Variants in EPM2A observed in about 807,000 individuals in gnomAD.
EPM2A encodes the protein laforin.
EPM2A carries 21 observed loss-of-function variants against 26.5 expected under a neutral mutation model. The ratio of observed to expected loss-of-function variants is 0.79; its 90% CI spans 0.56 to 1.14. EPM2A has a LOEUF of 1.14. Ranked by LOEUF, EPM2A falls within the 50% of genes most tolerant of loss-of-function variation. The pLI, the probability that EPM2A is intolerant of heterozygous loss-of-function variation, is 0.00. For synonymous variants in EPM2A, 217 were observed against 177.6 expected, an observed-to-expected ratio of 1.22 and a Z score of -1.76; for missense variants, 458 against 440.8, an observed-to-expected ratio of 1.04 and a Z score of -0.35.
chr6:145,697,586 C>T lies in EPM2A; in HGVS notation c.302-11290G>A, dbSNP rs922532772. ...TGGGGTTTATTTCATCCCTACGGCT[C>T]GACCATAAAAGATGGCCGCCCCCCG... On this transcript the variant is annotated intron_variant, in intron 1 of 3. Transcript: ENST00000367519. Among the ~76,000 whole-genome samples, 34 of 152,024 alleles carry T rather than the reference C, an allele frequency of 2.2e-4. 1 individual carries two copies. Among genetic ancestry groups the T allele is most frequent in the South Asian group, 1.2e-3 (6 of 4,810 alleles).
intron 2 of EPM2A, among the ~76,000 whole-genome samples, chr6:145,648,713 A>G (rs1777664421): frequency 6.6e-6 from 1 of 152,190 alleles, no homozygotes; most frequent in African/African-American, 2.4e-5. Context: ...GGCACTCCCA[A>G]ATGATTCTAA....
intron 2 of EPM2A, among the ~76,000 whole-genome samples, chr6:145,572,661 C>A (rs1451773282): frequency 6.6e-6 from 1 of 152,150 alleles, no homozygotes; most frequent in African/African-American, 2.4e-5. Flanking sequence ...ATCCTAGAGG[C>A]CCCTGCTGCG....
At chr6:145,669,289 C>A (rs1015577920) in intron 2 of EPM2A, among the ~76,000 whole-genome samples, 1 of 152,140 alleles carries the variant, frequency 6.6e-6, no homozygotes, top group Non-Finnish European at 1.5e-5. Flanking sequence ...AAATAGGTAA[C>A]AGCAGAATTA....
intron 4 of EPM2A, among the ~76,000 whole-genome samples, chr6:145,481,209 C>A (rs1779608417): frequency 6.6e-6 from 1 of 152,038 alleles, no homozygotes; most frequent in Non-Finnish European, 1.5e-5. Context: ...TCTTTTATAT[C>A]CTTTGGATAG....
rs137977850 is a variant in EPM2A, at chr6:145,669,159, CTTAGAAAAA to C, written c.476+16954_476+16962del. Among the ~76,000 whole-genome samples, 618 of 151,978 alleles carry C rather than the reference CTTAGAAAAA, an allele frequency of 4.1e-3. 12 individuals carry two copies. The East Asian group carries it at 0.069, about 17-fold the overall frequency. On this transcript the variant is annotated intron_variant, in intron 2 of 3. Transcript: ENST00000367519. ...CATCCAAAGAGAAAAATTAAAAGGA[CTTAGAAAAA>C]GGAAGACAGGAAAGGCATTTTACAA... is the stretch of plus-strand genomic sequence containing the variant.
intron 2 of EPM2A, among the ~76,000 whole-genome samples, chr6:145,662,877 A>T (rs1440391335): frequency 6.6e-6 from 1 of 152,118 alleles, no homozygotes; most frequent in Non-Finnish European, 1.5e-5. Context: ...GTCTAGGAGG[A>T]GGTTCAGGGA....
At chr6:145,563,032 A>C (rs1780829950) in intron 2 of EPM2A, among the ~76,000 whole-genome samples, 1 of 151,788 alleles carries the variant, frequency 6.6e-6, no homozygotes, top group African/African-American at 2.4e-5. Context: ...ACTCACATAA[A>C]GAGGCTTTCA....
At chr6:145,553,365 C>T (rs1451340278) in intron 2 of EPM2A, among the ~76,000 whole-genome samples, 1 of 152,126 alleles carries the variant, frequency 6.6e-6, no homozygotes, top group Non-Finnish European at 1.5e-5. Context: ...TCTGGATATC[C>T]TTTCAAATTG....
chr6:145,454,351 G>C (rs959275947), intron 4 of EPM2A, among the ~76,000 whole-genome samples: 1 of 152,140 alleles, frequency 6.6e-6, no homozygotes, highest in African/African-American at 2.4e-5. Context: ...ATGATACCAG[G>C]AAACCAGATC....
chr6:145,462,194 TC>T (rs1400601703), intron 4 of EPM2A, among the ~76,000 whole-genome samples: 1 of 152,180 alleles, frequency 6.6e-6, no homozygotes, highest in Non-Finnish European at 1.5e-5. Context: ...CTGCAAAAGT[TC>T]CTGTCTTGTA....
chr6:145,729,265 G>A (rs760770735), intron 1 of EPM2A, among the ~76,000 whole-genome samples: 5 of 152,204 alleles, frequency 3.3e-5, no homozygotes, highest in Non-Finnish European at 7.3e-5. Context: ...TTCCCACTGG[G>A]GCACTGCCTA....
At chr6:145,388,906 T>C (rs1778299806) in intron 4 of EPM2A, among the ~76,000 whole-genome samples, 1 of 151,394 alleles carries the variant, frequency 6.6e-6, no homozygotes, top group African/African-American at 2.4e-5. Flanking sequence ...CTTTATCCAG[T>C]CTGTCATTGA....
At chr6:145,512,364 G>A (rs758888016) in intron 2 of EPM2A, among the ~76,000 whole-genome samples, 8 of 152,088 alleles carry the variant, frequency 5.3e-5, no homozygotes, top group Non-Finnish European at 1.2e-4. Flanking sequence ...CAAGGCTACA[G>A]CAACTAAAAT....
At chr6:145,717,849 G>T in intron 1 of EPM2A, among the ~76,000 whole-genome samples, 1 of 151,498 alleles carries the variant, frequency 6.6e-6, no homozygotes, top group South Asian at 2.1e-4. Context: ...GACAAATCAT[G>T]AGTGAACTCC....
intron 4 of EPM2A, among the ~76,000 whole-genome samples, chr6:145,396,948 C>CA (rs1200655709): frequency 1.3e-5 from 2 of 152,186 alleles, no homozygotes; most frequent in Admixed American, 1.3e-4. Flanking sequence ...AAAACCTGGC[C>CA]AATCCCACAG....
intron 4 of EPM2A, among the ~76,000 whole-genome samples, chr6:145,486,495 C>T (rs901150481): frequency 6.6e-6 from 1 of 152,114 alleles, no homozygotes; most frequent in Admixed American, 6.5e-5. Flanking sequence ...ATCCCTAATA[C>T]AATACACTGT....
At chr6:145,679,982 A>T (rs2128608172) in intron 2 of EPM2A, 1 of 152,290 alleles carries the variant, frequency 6.6e-6, no homozygotes, top group South Asian at 2.1e-4. Flanking sequence ...AAGGAGAAGA[A>T]AAGAGAGCTA....
intron 1 of EPM2A, among the ~76,000 whole-genome samples, chr6:145,723,879 A>C (rs771129592): frequency 6.6e-5 from 10 of 152,190 alleles, no homozygotes; most frequent in Non-Finnish European, 1.2e-4. Context: ...CTTTGGCTGC[A>C]TGTCAATCTG....
At chr6:145,509,784 C>T (rs1780028716) in intron 2 of EPM2A, among the ~76,000 whole-genome samples, 2 of 152,122 alleles carry the variant, frequency 1.3e-5, no homozygotes, top group African/African-American at 4.8e-5. Context: ...AAGACACACA[C>T]TGGCAAATTG....
Sources: gnomAD v4.1 joint callset for allele counts (sites outside exome capture counted in the v4.1 genomes callset) on GRCh38, gnomAD v4.1.1 for gene constraint, MANE v1.5 for transcripts, NCBI Gene and HGNC (gene_info 2026-07-23, HGNC 2026-07-21) for gene names.